Variants in GLIS3 observed in about 807,000 individuals in gnomAD.
GLIS3 encodes zinc finger protein GLIS3.
Under a neutral mutation model 78.6 loss-of-function variants are expected in GLIS3, and 53 were observed. The observed-to-expected ratio is 0.67, with a 90% CI of 0.54 to 0.85. GLIS3 has a LOEUF of 0.85. GLIS3 is among the 40% of genes least tolerant of loss of function. GLIS3 has a pLI of 0.00. For synonymous variants in GLIS3, 684 were observed against 509.9 expected, an observed-to-expected ratio of 1.34 and a Z score of -4.60; for missense variants, 1,703 against 1,231.1, an observed-to-expected ratio of 1.38 and a Z score of -5.74.
the GLIS3 span, among the ~76,000 whole-genome samples, chr9:4,469,734 G>A: frequency 1.3e-5 from 2 of 152,050 alleles, no homozygotes; most frequent in South Asian, 2.1e-4. Flanking sequence ...AACTAGAGAG[G>A]CAAGACCAAA....
intron 2 of GLIS3, among the ~76,000 whole-genome samples, chr9:4,263,171 A>G (rs1825682776): frequency 6.6e-6 from 1 of 152,166 alleles, no homozygotes; most frequent in South Asian, 2.1e-4. Flanking sequence ...AGTGTTCCAC[A>G]TTCAATTCAC....
intron 2 of GLIS3, among the ~76,000 whole-genome samples, chr9:4,169,816 T>C (rs4740753): frequency 0.39 from 59,656 of 152,022 alleles, 13,640 homozygotes; most frequent in East Asian, 0.66. Flanking sequence ...TATAGGAGAA[T>C]TCGGTACATT....
the GLIS3 span, among the ~76,000 whole-genome samples, chr9:4,416,252 TAAAAAA>T: frequency 4.0e-5 from 3 of 75,840 alleles, no homozygotes; most frequent in African/African-American, 1.1e-4. Flanking sequence ...ACACTGTTTT[TAAAAAA>T]AAAAAAAAAA....
chr9:4,057,981 T>G (rs994342898), intron 4 of GLIS3, among the ~76,000 whole-genome samples: 1 of 152,222 alleles, frequency 6.6e-6, no homozygotes, highest in Non-Finnish European at 1.5e-5. Context: ...ATCTTTATTC[T>G]GGGTTTTAGA....
chr9:3,873,370 C>T (rs1056156807), intron 8 of GLIS3, among the ~76,000 whole-genome samples: 7 of 152,028 alleles, frequency 4.6e-5, no homozygotes, highest in African/African-American at 1.7e-4. Context: ...CCAAACCCAA[C>T]AGGACAAGTG....
At chr9:4,474,011 T>C in the GLIS3 span, among the ~76,000 whole-genome samples, 1 of 131,662 alleles carries the variant, frequency 7.6e-6, no homozygotes, top group Non-Finnish European at 1.8e-5. Context: ...TGTAAAGATG[T>C]CAGTTCCCCC....
At chr9:4,458,731 G>T in the GLIS3 span, among the ~76,000 whole-genome samples, 1 of 152,322 alleles carries the variant, frequency 6.6e-6, no homozygotes, top group East Asian at 1.9e-4. Context: ...CCGGGAGGCA[G>T]AGGTTGTGGT....
At chr9:4,393,913 T>C in the GLIS3 span, among the ~76,000 whole-genome samples, 2 of 152,166 alleles carry the variant, frequency 1.3e-5, no homozygotes, top group Admixed American at 1.3e-4. Flanking sequence ...TGATCCTTTC[T>C]ATGACCTTTA....
chr9:3,984,242 G>C (rs546068530), intron 4 of GLIS3, among the ~76,000 whole-genome samples: 2 of 152,252 alleles, frequency 1.3e-5, no homozygotes, highest in African/African-American at 4.8e-5. Flanking sequence ...CTTGCACTTT[G>C]TACCTAGAAA....
the GLIS3 span, among the ~76,000 whole-genome samples, chr9:4,359,847 G>A: frequency 6.6e-6 from 1 of 151,730 alleles, no homozygotes; most frequent in Non-Finnish European, 1.5e-5. Context: ...AATAAAAGCG[G>A]GCACCAATAT....
At chr9:4,489,542 T>A in the GLIS3 span, among the ~76,000 whole-genome samples, 1 of 152,152 alleles carries the variant, frequency 6.6e-6, no homozygotes, top group Non-Finnish European at 1.5e-5. Flanking sequence ...AGAGATTGTA[T>A]ACGTGAGAGT....
At chr9:4,391,631 T>C in the GLIS3 span, among the ~76,000 whole-genome samples, 8 of 151,920 alleles carry the variant, frequency 5.3e-5, no homozygotes, top group African/African-American at 1.9e-4. Context: ...ATGTAAATAT[T>C]TAACCGAAAT....
chr9:4,210,471 A>C (rs1304276624), intron 2 of GLIS3, among the ~76,000 whole-genome samples: 1 of 152,222 alleles, frequency 6.6e-6, no homozygotes, highest in Non-Finnish European at 1.5e-5. Context: ...CTGAATTAGA[A>C]TAGAATAGAA....
At chr9:4,237,326 A>G (rs142843032) in intron 2 of GLIS3, among the ~76,000 whole-genome samples, 1 of 152,312 alleles carries the variant, frequency 6.6e-6, no homozygotes, top group Admixed American at 6.5e-5. Context: ...ATGATGACAC[A>G]ACATGAAGAA....
At chr9:4,075,516 C>A (rs1827972660) in intron 4 of GLIS3, among the ~76,000 whole-genome samples, 1 of 151,940 alleles carries the variant, frequency 6.6e-6, no homozygotes, top group African/African-American at 2.4e-5. Context: ...GCGGAGCTGG[C>A]TGTGAGCCGA....
At chr9:4,049,124 A>G (rs893132305) in intron 4 of GLIS3, among the ~76,000 whole-genome samples, 1 of 152,172 alleles carries the variant, frequency 6.6e-6, no homozygotes, top group Non-Finnish European at 1.5e-5. Context: ...ACAATGCAAG[A>G]AAGAAAACAC....
intron 7 of GLIS3, among the ~76,000 whole-genome samples, chr9:3,886,994 A>T (rs533012167): frequency 4.6e-5 from 7 of 152,188 alleles, no homozygotes; most frequent in Non-Finnish European, 7.4e-5. Context: ...ATCATTCCAC[A>T]TCCTACCTGT....
At chr9:4,311,679 T>G (rs909533261) in intron 2 of GLIS3, among the ~76,000 whole-genome samples, 6 of 152,110 alleles carry the variant, frequency 3.9e-5, no homozygotes, top group African/African-American at 1.4e-4. Context: ...GCATCGGCCT[T>G]ATCACCGCCC....
chr9:4,367,148 C>T, the GLIS3 span, among the ~76,000 whole-genome samples: 1 of 152,350 alleles, frequency 6.6e-6, no homozygotes, highest in Admixed American at 6.5e-5. Context: ...TCCTCCACTG[C>T]CTTTGAAATC....
Sources: gnomAD v4.1 joint callset for allele counts (sites outside exome capture counted in the v4.1 genomes callset) on GRCh38, gnomAD v4.1.1 for gene constraint, MANE v1.5 for transcripts, NCBI Gene and HGNC (gene_info 2026-07-23, HGNC 2026-07-21) for gene names.